Variants in DOK5 observed in about 807,000 individuals in gnomAD.
The protein encoded by DOK5 is downstream of tyrosine kinase 5.
A neutral mutation model predicts 43.3 loss-of-function variants in DOK5; 27 were observed. That is an observed-to-expected ratio of 0.62 (90% CI 0.46 to 0.86). The LOEUF is 0.86. Among genes scored for constraint, DOK5 ranks in the 40% least tolerant of loss-of-function variants. The pLI, the probability that DOK5 is intolerant of heterozygous loss-of-function variation, is 0.00. For missense variants in DOK5, 373 were observed against 392.9 expected (o/e 0.95, Z 0.43); for synonymous variants, 146 against 140.1 (o/e 1.04, Z -0.30).
chr20:54,536,174 G>A (rs1309433207), intron 1 of DOK5, among the ~76,000 whole-genome samples: 1 of 152,194 alleles, frequency 6.6e-6, no homozygotes, highest in Non-Finnish European at 1.5e-5. Context: ...ATAATTTAAG[G>A]TATTGACTTG....
At chr20:54,580,863 A>G (rs749241922) in intron 2 of DOK5, among the ~76,000 whole-genome samples, 2 of 152,044 alleles carry the variant, frequency 1.3e-5, no homozygotes, top group African/African-American at 2.4e-5. Context: ...TTTTCTATGT[A>G]TAAACTTTTT....
chr20:54,495,617 G>T (rs560613574), intron 1 of DOK5, among the ~76,000 whole-genome samples: 1 of 152,190 alleles, frequency 6.6e-6, no homozygotes, highest in Non-Finnish European at 1.5e-5. Flanking sequence ...GTGGCTGGGC[G>T]CAGTGGCTCA....
chr20:54,496,765 C>CAAAAAAAAAAAA (rs74179280), intron 1 of DOK5, among the ~76,000 whole-genome samples: 8 of 59,494 alleles, frequency 1.3e-4, no homozygotes, highest in Non-Finnish European at 2.2e-4. Context: ...GACTCCGTCT[C>CAAAAAAAAAAAA]AAAAAAAAAA....
intron 5 of DOK5, among the ~76,000 whole-genome samples, chr20:54,604,739 G>T (rs1365498474): frequency 4.6e-5 from 7 of 152,152 alleles, no homozygotes. Context: ...GGTGGCTCAT[G>T]CCTGTAATCC....
intron 1 of DOK5, among the ~76,000 whole-genome samples, chr20:54,520,210 G>T (rs1479913859): frequency 1.3e-5 from 2 of 152,032 alleles, no homozygotes; most frequent in East Asian, 1.9e-4. Flanking sequence ...ACTTGCTTAG[G>T]TTATCAACCT....
intron 2 of DOK5, among the ~76,000 whole-genome samples, chr20:54,575,086 G>A (rs758232745): frequency 3.3e-5 from 5 of 152,146 alleles, no homozygotes; most frequent in Admixed American, 2.0e-4. Context: ...TTCCATTTTA[G>A]AAGAAGCACA....
chr20:54,494,726 C>T (rs1982322742), intron 1 of DOK5: 1 of 151,948 alleles, frequency 6.6e-6, no homozygotes, highest in South Asian at 2.1e-4. Context: ...GATTCATACA[C>T]TGAAAAAACT....
At chr20:54,536,869 C>T (rs6098052) in intron 1 of DOK5, among the ~76,000 whole-genome samples, 3,764 of 152,276 alleles carry the variant, frequency 0.025, 150 homozygotes, top group African/African-American at 0.085. Context: ...AGCTCAGACT[C>T]TCATCCACAC....
intron 6 of DOK5, among the ~76,000 whole-genome samples, chr20:54,631,528 C>T (rs948827253): frequency 2.0e-5 from 3 of 152,032 alleles, no homozygotes; most frequent in African/African-American, 7.2e-5. Flanking sequence ...GAAAATATAC[C>T]AATATGTCAA....
intron 1 of DOK5, among the ~76,000 whole-genome samples, chr20:54,486,648 A>T (rs1277060130): frequency 6.6e-6 from 1 of 152,050 alleles, no homozygotes; most frequent in East Asian, 1.9e-4. Flanking sequence ...TGAGACTCAC[A>T]CTTTAGTTTG....
intron 6 of DOK5, among the ~76,000 whole-genome samples, chr20:54,626,644 A>G (rs972949080): frequency 5.3e-5 from 8 of 152,152 alleles, no homozygotes; most frequent in Non-Finnish European, 1.2e-4. Flanking sequence ...GTGTACCCAT[A>G]TTATCCTGTA....
At chr20:54,545,155 C>G (rs1178237451) in intron 1 of DOK5, among the ~76,000 whole-genome samples, 1 of 152,096 alleles carries the variant, frequency 6.6e-6, no homozygotes, top group Admixed American at 6.6e-5. Flanking sequence ...AGATCAAATC[C>G]CTTTCATTGT....
intron 1 of DOK5, among the ~76,000 whole-genome samples, chr20:54,489,653 A>T (rs955248350): frequency 2.0e-5 from 3 of 151,994 alleles, no homozygotes; most frequent in African/African-American, 7.3e-5. Context: ...TTTACAAATT[A>T]TGAAACTGAG....
intron 1 of DOK5, among the ~76,000 whole-genome samples, chr20:54,526,036 C>T (rs941279609): frequency 2.6e-5 from 4 of 152,156 alleles, no homozygotes; most frequent in African/African-American, 9.6e-5. Context: ...AACCACTTTC[C>T]CTCACTAAGT....
At chr20:54,623,366 G>T (rs1333401772) in intron 6 of DOK5, among the ~76,000 whole-genome samples, 5 of 152,080 alleles carry the variant, frequency 3.3e-5, no homozygotes, top group Admixed American at 3.3e-4. Context: ...GGCCAGAATT[G>T]GATGGGTCTG....
intron 1 of DOK5, among the ~76,000 whole-genome samples, chr20:54,549,123 G>A (rs1984441017): frequency 6.6e-6 from 1 of 152,222 alleles, no homozygotes; most frequent in African/African-American, 2.4e-5. Context: ...GGGAGACACA[G>A]CGTCGTCTGA....
chr20:54,501,525 A>C (rs1028811966), intron 1 of DOK5, among the ~76,000 whole-genome samples: 1 of 151,266 alleles, frequency 6.6e-6, no homozygotes, highest in Non-Finnish European at 1.5e-5. Flanking sequence ...TAAATCTGGC[A>C]GTGGGCCACA....
intron 1 of DOK5, among the ~76,000 whole-genome samples, chr20:54,534,809 T>C (rs1983896757): frequency 1.3e-5 from 2 of 150,882 alleles, no homozygotes; most frequent in Admixed American, 1.3e-4. Context: ...AGAATTGATT[T>C]TGAAAGCATG....
At chr20:54,599,199 T>C (rs747196755) in intron 5 of DOK5, among the ~76,000 whole-genome samples, 1 of 152,194 alleles carries the variant, frequency 6.6e-6, no homozygotes, top group Non-Finnish European at 1.5e-5. Flanking sequence ...CCCCCAACTA[T>C]GTTGAGTATG....
Sources: allele counts gnomAD v4.1 joint callset (sites outside exome capture counted in the v4.1 genomes callset), GRCh38; gene constraint gnomAD v4.1.1; transcripts MANE v1.5; gene names NCBI Gene and HGNC (gene_info 2026-07-23, HGNC 2026-07-21).